The following RASGRP2 variants were observed in gnomAD, a reference collection of about 807,000 sequenced individuals.
RASGRP2 encodes RAS guanyl releasing protein 2.
RASGRP2 carries 44 observed loss-of-function variants against 71.0 expected under a neutral mutation model. That is an observed-to-expected ratio of 0.62 (90% CI 0.49 to 0.80). The LOEUF is 0.80. Ranked by LOEUF, RASGRP2 falls within the 30% of genes least tolerant of loss-of-function variation. RASGRP2 has a pLI of 0.00. For synonymous variants in RASGRP2, 350 were observed against 330.7 expected, an observed-to-expected ratio of 1.06 and a Z score of -0.63; for missense variants, 663 against 813.4, an observed-to-expected ratio of 0.82 and a Z score of 2.25.
In RASGRP2 at chr11:64,731,696, C is replaced by T. The variant is rs543923070; in HGVS notation, c.1413-1502G>A. 7.9e-5 allele frequency among the ~76,000 whole-genome samples: 12 copies of T among 152,262 alleles called. No individual in the cohort carries two copies. In the South Asian group the frequency reaches 2.5e-3, roughly 32 times the overall value. ...TGGCCAATAAACATATGAAAAGATA[C>T]CCTACCCCCATTAGTATTAAAGAAA... is the stretch of plus-strand genomic sequence containing the variant. On this transcript the variant is annotated intron_variant, in intron 12 of 16. Transcript: ENST00000394432.
chr11:64,743,040 G>A lies in RASGRP2; in HGVS notation c.-71-103C>T, dbSNP rs1592393059. The A allele has an allele frequency of 7.7e-7, 1 of 1,302,366 alleles. No individual in the cohort carries two copies. The highest frequency in any genetic ancestry group is 1.1e-6 in the Non-Finnish European group (1 of 937,390). The allele number at this position is 1,302,366 out of a possible 1,614,324, so 80.7% of individuals were successfully genotyped here. A position where few individuals can be genotyped will look rare whatever the true frequency, so the allele number is the denominator to read the frequency against. ...GCGGGCACGCCCCCTGCTGGACAGG[G>A]GCGGAGTTGTCCCCCGCGGCCACTC... is the stretch of plus-strand genomic sequence containing the variant. On this transcript the variant is annotated intron_variant, in intron 1 of 16. Transcript: ENST00000394432. This position sits in a 1 kb window ranked among gnomAD's most constrained non-coding sequence, Gnocchi z 4.9.
At chr11:64,728,114 G>A (rs186102658) in intron 15 of RASGRP2, among the ~76,000 whole-genome samples, 10 of 152,178 alleles carry the variant, frequency 6.6e-5, no homozygotes, top group East Asian at 1.9e-4. Flanking sequence ...ATAATCATTT[G>A]GCCAGTTGTC....
rs559638175 is a variant in RASGRP2, at chr11:64,739,242, T to G, written c.813+118A>C. 37 of 823,510 alleles carry G rather than the reference T, an allele frequency of 4.5e-5. No homozygotes were observed. The highest frequency in any genetic ancestry group is 7.5e-5 in the Non-Finnish European group (36 of 482,522). 51.0% of individuals were successfully genotyped at this position (823,510 alleles called of 1,614,324 possible). On this transcript the variant is annotated intron_variant, in intron 8 of 16. Transcript: ENST00000394432. The surrounding 1 kb of genome is among the most constrained non-coding windows in gnomAD (Gnocchi z 4.2). ...AACTGAGAAAAGCACTTAACCCCTCTGAGCCTCCATTTCCATATCTATCAA... is the reference window on the plus strand; with the variant it reads ...AACTGAGAAAAGCACTTAACCCCTCGGAGCCTCCATTTCCATATCTATCAA...
In RASGRP2 at chr11:64,729,918, A is replaced by T. The variant is rs988569874; in HGVS notation, c.1555-120T>A. ...GCCTCAGGGCCCCGGGCAGAACCAC[A>T]GGAGGAGAGGCAAATAGAATTACCA... is the stretch of plus-strand genomic sequence containing the variant. On this transcript the variant is annotated intron_variant, in intron 13 of 16. Coordinates refer to ENST00000394432, the MANE Select transcript of RASGRP2 (RefSeq NM_001098671.2). 4 of 1,553,628 alleles carry T rather than the reference A, an allele frequency of 2.6e-6. No homozygotes were observed. The African/African-American group carries it at 4.1e-5, about 16-fold the overall frequency.
intron 5 of RASGRP2, 189 bp downstream of exon 5, chr11:64,740,748 ATGGGTGGTGGC>A: frequency 1.4e-6 from 1 of 719,544 alleles, no homozygotes; most frequent in South Asian, 1.5e-5. Context: ...GGTGTGTGGG[ATGGGTGGTGGC>A]AGTGGAAGAT....
At chr11:64,744,895 GC>G (rs1022740133), upstream of RASGRP2, 1 of 130,942 alleles carries the variant, frequency 7.6e-6, no homozygotes, top group Non-Finnish European at 1.7e-5. Context: ...GCGCCAGGCT[GC>G]CCCCTCCCCC....
chr11:64,728,750 C>T, intron 15 of RASGRP2, 113 bp downstream of exon 15: 2 of 1,191,064 alleles, frequency 1.7e-6, no homozygotes, highest in Admixed American at 2.7e-5. Flanking sequence ...TCTTTATTAT[C>T]CCACCACAAA....
intron 5 of RASGRP2, chr11:64,740,450 C>T (rs1028694945): frequency 3.1e-6 from 2 of 645,198 alleles, no homozygotes; most frequent in South Asian, 1.5e-5. Context: ...TCACAGTCTA[C>T]TGAGGGAGAC....
chr11:64,730,104 G>C lies in RASGRP2; in HGVS notation c.1503C>G (p.Phe501Leu). ...LGGRMGFVHN[F>L]QESNSLRPVA... ...CGGGGCGCAAGGAGTTGCTCTCCTG[G>C]AAGTTGTGTACGAAGCCCATGCGCC... is the stretch of plus-strand genomic sequence containing the variant. The change falls in exon 13 of 17, where the codon TTC (phenylalanine) becomes TTG (leucine). Residue 501 changes from phenylalanine (F) to leucine (L), a missense_variant. Transcript: ENST00000394432. 2 of 1,550,908 alleles carry C rather than the reference G, an allele frequency of 1.3e-6. No individual in the cohort carries two copies. The highest frequency in any genetic ancestry group is 1.7e-6 in the Non-Finnish European group (2 of 1,147,140).
In RASGRP2 at chr11:64,739,271, A is replaced by G; in HGVS notation, c.813+89T>C. On this transcript the variant is annotated intron_variant, in intron 8 of 16. Transcript: ENST00000394432. This position sits in a 1 kb window ranked among gnomAD's most constrained non-coding sequence, Gnocchi z 4.2. ...CCTCCATTTCCATATCTATCAAATGAGGACAGCTGTGCCCAGCCCCCAGTG... is the reference window on the plus strand; with the variant it reads ...CCTCCATTTCCATATCTATCAAATGGGGACAGCTGTGCCCAGCCCCCAGTG... 1 of 997,276 alleles carries G rather than the reference A, an allele frequency of 1.0e-6. No homozygotes were observed. The highest frequency in any genetic ancestry group is 1.6e-5 in the African/African-American group (1 of 63,164). The allele number at this position is 997,276 out of a possible 1,614,324, so 61.8% of individuals were successfully genotyped here.
rs769363694 is a variant in RASGRP2 at position 64,743,278 on chromosome 11, G to T, written c.-71-341C>A. On this transcript the variant is annotated intron_variant, in intron 1 of 16. Coordinates refer to ENST00000394432, the MANE Select transcript of RASGRP2 (RefSeq NM_001098671.2). This position sits in a 1 kb window ranked among gnomAD's most constrained non-coding sequence, Gnocchi z 4.9. The stretch of plus-strand genomic sequence containing the variant: ...TCCCCAGAGGCACCTGCAGCACCCC[G>T]CAGCTCGGCTCTGCGCCCCTCCCGC... 2 of 473,562 alleles carry T rather than the reference G, an allele frequency of 4.2e-6. No homozygotes were observed. Among genetic ancestry groups the T allele is most frequent in the South Asian group, 3.1e-5 (2 of 64,600 alleles). The allele number at this position is 473,562 out of a possible 1,614,324, so 29.3% of individuals were successfully genotyped here. A position where few individuals can be genotyped will look rare whatever the true frequency, so the allele number is the denominator to read the frequency against.
intron 5 of RASGRP2, chr11:64,740,622 G>A (rs2058090679): frequency 1.1e-5 from 7 of 653,868 alleles, no homozygotes; most frequent in Non-Finnish European, 1.7e-5. Context: ...TGCCTGAACT[G>A]AGTCTTGGTA....
At chr11:64,740,918 C>T (rs1241538706) in intron 5 of RASGRP2, 30 bp downstream of exon 5, 1 of 1,611,940 alleles carries the variant, frequency 6.2e-7, no homozygotes, top group Admixed American at 1.7e-5. Flanking sequence ...ACTGAGTGCC[C>T]CCCCAGCCCT....
intron 8 of RASGRP2, 27 bp from the exon 9 acceptor site, chr11:64,737,061 A>G: frequency 6.2e-7 from 1 of 1,612,072 alleles, no homozygotes; most frequent in Admixed American, 1.7e-5. Context: ...GAGGAGTCAT[A>G]CCCCCACAAC....
chr11:64,741,222 T>A, intron 4 of RASGRP2, 143 bp from the exon 5 acceptor site: 1 of 1,186,496 alleles, frequency 8.4e-7, no homozygotes, highest in Non-Finnish European at 1.2e-6. Context: ...ACTCCAAGTG[T>A]ACATTAGACC....
chr11:64,734,620 A>T (rs1354848707), intron 12 of RASGRP2, among the ~76,000 whole-genome samples: 1 of 152,136 alleles, frequency 6.6e-6, no homozygotes, highest in Non-Finnish European at 1.5e-5. Flanking sequence ...TTTTGAATGG[A>T]GTTTTTTCTG....
intron 15 of RASGRP2, among the ~76,000 whole-genome samples, chr11:64,728,576 C>T (rs931742932): frequency 1.1e-4 from 16 of 151,986 alleles, no homozygotes; most frequent in Non-Finnish European, 1.6e-4. Flanking sequence ...TACAGGCGTC[C>T]GCCACCACGC....
chr11:64,740,578 G>A (rs1273030770), intron 5 of RASGRP2: 5 of 664,770 alleles, frequency 7.5e-6, no homozygotes, highest in Admixed American at 4.2e-5. Context: ...TACCCCGGAA[G>A]AGCCCCGAAC....
rs368402538 is a variant in RASGRP2, at chr11:64,730,208, C to T, written c.1413-14G>A. The stretch of plus-strand genomic sequence containing the variant: ...ATGCAGCCATCCCTGTGGGGAGTTG[C>T]GGGGGCGCTTCAGCTCGGGCCCTCC... On this transcript the variant is annotated splice_polypyrimidine_tract_variant and intron_variant, in intron 12 of 16. Coordinates refer to ENST00000394432, the MANE Select transcript of RASGRP2 (RefSeq NM_001098671.2). The T allele has an allele frequency of 3.9e-6, 6 of 1,551,350 alleles. No homozygotes were observed. The Admixed American group carries it at 7.8e-5, about 20-fold the overall frequency.
Sources: gnomAD v4.1 joint callset for allele counts (sites outside exome capture counted in the v4.1 genomes callset) on GRCh38, gnomAD v4.1.1 for gene constraint, Gnocchi (gnomAD v3.1) non-coding constraint, MANE v1.5 for transcripts, NCBI Gene and HGNC (gene_info 2026-07-23, HGNC 2026-07-21) for gene names.